Variants in SAMD12 observed in about 807,000 individuals in gnomAD.
The protein encoded by SAMD12 is sterile alpha motif domain containing 12.
Under a neutral mutation model 15.0 loss-of-function variants are expected in SAMD12, and 9 were observed. The ratio of observed to expected loss-of-function variants is 0.60; its 90% CI spans 0.36 to 1.05. SAMD12 has a LOEUF of 1.05. Among genes scored for constraint, SAMD12 ranks in the 50% least tolerant of loss-of-function variants. The probability of loss-of-function intolerance (pLI) is 0.01; values close to 1 mark genes in which losing one functional copy is unlikely to be tolerated. For synonymous variants in SAMD12, 86 were observed against 90.1 expected (o/e 0.96, Z 0.25); for missense variants, 230 against 234.2 (o/e 0.98, Z 0.12).
intron 2 of SAMD12, among the ~76,000 whole-genome samples, chr8:118,557,649 T>C (rs2131201882): frequency 6.6e-6 from 1 of 152,376 alleles, no homozygotes; most frequent in East Asian, 1.9e-4. Flanking sequence ...TGCATCTTTG[T>C]GGTTTCATTC....
chr8:118,439,758 T>C (rs1489492752), intron 3 of SAMD12, 74 bp downstream of exon 3: 2 of 1,421,180 alleles, frequency 1.4e-6, no homozygotes, highest in Admixed American at 1.8e-5. Flanking sequence ...TGTTTCATGG[T>C]AAGGGTATGG....
In SAMD12 at chr8:118,449,812, A is replaced by C. The variant is rs866047991; in HGVS notation, c.193-9851T>G. Among the ~76,000 whole-genome samples the C allele has an allele frequency of 7.3e-5, 11 of 150,436 alleles. 1 individual carries two copies. Among genetic ancestry groups the C allele is most frequent in the South Asian group, 4.2e-4 (2 of 4,810 alleles). ...CGAGACTGTCTCAAAAAAAAAAAAA[A>C]AAAAACAACAAAAAAAAAGGTGAGA... On this transcript the variant is annotated intron_variant, in intron 2 of 3. Coordinates refer to ENST00000314727, the MANE Select transcript of SAMD12 (RefSeq NM_207506.3).
At chr8:118,389,816 T>C (rs1820170623) in intron 3 of SAMD12, among the ~76,000 whole-genome samples, 1 of 152,186 alleles carries the variant, frequency 6.6e-6, no homozygotes, top group Admixed American at 6.5e-5. Flanking sequence ...GAATACAAGC[T>C]AAGTATTGCT....
At chr8:118,169,500 G>A in the SAMD12 span, among the ~76,000 whole-genome samples, 4 of 152,112 alleles carry the variant, frequency 2.6e-5, no homozygotes, top group African/African-American at 9.7e-5. Context: ...TTGTTCCTGT[G>A]GGAATACATC....
intron 2 of SAMD12, among the ~76,000 whole-genome samples, chr8:118,533,306 A>G (rs1825740903): frequency 6.6e-6 from 1 of 152,194 alleles, no homozygotes; most frequent in Admixed American, 6.5e-5. Context: ...TCTGAGAGAC[A>G]GTTTGTTATA....
intron 4 of SAMD12, among the ~76,000 whole-genome samples, chr8:118,328,926 AGAG>A (rs929193163): frequency 2.0e-4 from 30 of 152,184 alleles, no homozygotes; most frequent in African/African-American, 7.2e-4. Flanking sequence ...AGTAATCCAA[AGAG>A]GAGGAGGCAT....
chr8:118,397,745 G>A (rs537953286), intron 3 of SAMD12, among the ~76,000 whole-genome samples: 17 of 152,038 alleles, frequency 1.1e-4, no homozygotes, highest in Non-Finnish European at 1.6e-4. Flanking sequence ...CTCTGGGTAG[G>A]TTCAACTATT....
chr8:118,479,498 C>G (rs149467817), intron 2 of SAMD12, among the ~76,000 whole-genome samples: 1,534 of 152,244 alleles, frequency 0.01, 33 homozygotes, highest in African/African-American at 0.035. Context: ...TTCACTACCA[C>G]GAGAACAGTA....
chr8:118,330,023 T>C (rs1816742226), intron 4 of SAMD12, among the ~76,000 whole-genome samples: 2 of 152,102 alleles, frequency 1.3e-5, no homozygotes, highest in Non-Finnish European at 2.9e-5. Flanking sequence ...ACATGGAACA[T>C]GTAGTGTAGG....
intron 2 of SAMD12, among the ~76,000 whole-genome samples, chr8:118,478,531 A>G (rs1289440358): frequency 1.3e-5 from 2 of 152,256 alleles, no homozygotes; most frequent in Admixed American, 6.5e-5. Flanking sequence ...CACATTAGAT[A>G]TAGTAAATAG....
intron 2 of SAMD12, among the ~76,000 whole-genome samples, chr8:118,521,861 T>TCCAC (rs1825396505): frequency 6.6e-6 from 1 of 152,186 alleles, no homozygotes; most frequent in South Asian, 2.1e-4. Context: ...AGAGAAGCTT[T>TCCAC]CCACCTTCAT....
intron 2 of SAMD12, among the ~76,000 whole-genome samples, chr8:118,550,200 A>T (rs1006775114): frequency 1.3e-5 from 2 of 152,204 alleles, no homozygotes; most frequent in Admixed American, 6.5e-5. Context: ...ACTCCTTGAG[A>T]AGAGCAACTC....
intron 4 of SAMD12, among the ~76,000 whole-genome samples, chr8:118,236,229 A>T (rs1026863660): frequency 2.0e-5 from 3 of 152,206 alleles, no homozygotes; most frequent in African/African-American, 7.2e-5. Flanking sequence ...CTGAGCAGCA[A>T]CATCTCATTT....
exon 5 of SAMD12, chr8:118,192,598 A>G (rs897924650): frequency 1.3e-5 from 2 of 151,888 alleles, no homozygotes; most frequent in African/African-American, 4.9e-5. Flanking sequence ...TTGGAAAACA[A>G]CAACGCAACA....
chr8:118,501,967 C>T (rs1026064354), intron 2 of SAMD12, among the ~76,000 whole-genome samples: 1 of 142,002 alleles, frequency 7.0e-6, no homozygotes, highest in Non-Finnish European at 1.5e-5. Context: ...TTGCAGTGAG[C>T]GGAGATTGCG....
At chr8:118,290,090 A>G (rs1814281218) in intron 4 of SAMD12, among the ~76,000 whole-genome samples, 2 of 152,350 alleles carry the variant, frequency 1.3e-5, no homozygotes, top group South Asian at 4.1e-4. Context: ...CTTGCAAAGG[A>G]TCAGCTAAGT....
At chr8:118,444,388 A>T (rs1368154984) in intron 2 of SAMD12, among the ~76,000 whole-genome samples, 1 of 152,148 alleles carries the variant, frequency 6.6e-6, no homozygotes, top group Non-Finnish European at 1.5e-5. Flanking sequence ...AATTCCAGAC[A>T]TTTCCTTTCT....
chr8:118,351,247 C>T (rs1362432343), intron 4 of SAMD12, among the ~76,000 whole-genome samples: 2 of 152,172 alleles, frequency 1.3e-5, no homozygotes, highest in East Asian at 3.8e-4. Context: ...GTCTGATCCT[C>T]TCAAAATGAT....
intron 3 of SAMD12, among the ~76,000 whole-genome samples, chr8:118,411,787 G>C (rs180984328): frequency 6.6e-6 from 1 of 152,194 alleles, no homozygotes; most frequent in East Asian, 1.9e-4. Flanking sequence ...GAAATTCTAC[G>C]GGGAGGGCTA....
Sources: allele counts gnomAD v4.1 joint callset (sites outside exome capture counted in the v4.1 genomes callset), GRCh38; gene constraint gnomAD v4.1.1; transcripts MANE v1.5; gene names NCBI Gene and HGNC (gene_info 2026-07-23, HGNC 2026-07-21).